Variants in DMD observed in about 807,000 individuals in gnomAD.
DMD encodes the protein mutant dystrophin.
In DMD, 63 loss-of-function variants were observed where a neutral mutation model predicts 330.1. That is an observed-to-expected ratio of 0.19 (90% confidence interval 0.16 to 0.24). The LOEUF is 0.24. Ranked by LOEUF, DMD falls within the 10% of genes least tolerant of loss-of-function variation. The pLI is 1.00. For synonymous variants in DMD, 1,223 were observed against 959.8 expected, an observed-to-expected ratio of 1.27 and a Z score of -5.07; for missense variants, 3,344 against 2,684.1, an observed-to-expected ratio of 1.25 and a Z score of -5.43.
chrX:32,674,073 T>C (rs2061807277), intron 9 of DMD, among the ~76,000 whole-genome samples: 1 of 111,989 alleles, frequency 8.9e-6, no homozygotes, highest in Non-Finnish European at 1.9e-5. Context: ...TCAGATATCA[T>C]GATGAAGACA....
At chrX:32,883,823 CAAAAA>C (rs56150142) in intron 2 of DMD, among the ~76,000 whole-genome samples, 7 of 30,339 alleles carry the variant, frequency 2.3e-4, no homozygotes, top group Admixed American at 5.4e-4. Context: ...GACTCTGTTT[CAAAAA>C]AAAAAAAAAA....
At chrX:32,472,806 T>C (rs1208137659) in intron 21 of DMD, among the ~76,000 whole-genome samples, 1 of 111,143 alleles carries the variant, frequency 9.0e-6, no homozygotes, top group African/African-American at 3.3e-5. Flanking sequence ...AGAACACCCA[T>C]GTACGCATGC....
chrX:32,572,020 A>G (rs2052478195), intron 15 of DMD, among the ~76,000 whole-genome samples: 1 of 112,087 alleles, frequency 8.9e-6, no homozygotes, highest in Non-Finnish European at 1.9e-5. Flanking sequence ...CTGCAGGCCA[A>G]AACTACAAAT....
At position 32,527,109 on chromosome X, in the gene DMD, A is replaced by C. The variant is rs1344502398; in HGVS notation, c.2169-8978T>G. The stretch of plus-strand genomic sequence containing the variant: ...ATAAAAACTTATAAGCCTCATCCTT[A>C]GAAACCTGAAAGGAAAATGCTGATG... On this transcript the variant is annotated intron_variant, in intron 17 of 78. Coordinates refer to ENST00000357033, the MANE Select transcript of DMD (RefSeq NM_004006.3). 2.7e-5 allele frequency among the ~76,000 whole-genome samples: 3 copies of C among 111,943 alleles called. No individual in the cohort carries two copies. The East Asian group carries it at 8.4e-4, about 31-fold the overall frequency.
At chrX:32,659,019 A>G (rs1409968506) in intron 9 of DMD, among the ~76,000 whole-genome samples, 2 of 111,744 alleles carry the variant, frequency 1.8e-5, no homozygotes, top group Non-Finnish European at 3.8e-5. Context: ...ATTCAGCATC[A>G]CCCTTTGCCA....
chrX:33,170,594 T>A (rs1167940623), intron 1 of DMD, among the ~76,000 whole-genome samples: 1 of 111,505 alleles, frequency 9.0e-6, no homozygotes, highest in African/African-American at 3.2e-5. Flanking sequence ...ACCAAACAGA[T>A]CCCAAATACT....
At chrX:32,695,383 C>A (rs868319878) in intron 9 of DMD, among the ~76,000 whole-genome samples, 3 of 111,440 alleles carry the variant, frequency 2.7e-5, no homozygotes, top group African/African-American at 9.8e-5. Flanking sequence ...TGTGGGAGAA[C>A]GAGTGATGTA....
intron 18 of DMD, among the ~76,000 whole-genome samples, chrX:32,507,751 T>G (rs1238023884): frequency 8.9e-6 from 1 of 111,747 alleles, no homozygotes; most frequent in Non-Finnish European, 1.9e-5. Flanking sequence ...AAATTATAGT[T>G]TATGTACATA....
chrX:32,452,298 GGAAAGGGAAAGTGAAAGTGAAAGT>G (rs1167654342), intron 26 of DMD, among the ~76,000 whole-genome samples: 8 of 17,690 alleles, frequency 4.5e-4, no homozygotes, highest in African/African-American at 1.2e-3. Flanking sequence ...GAAAGGAAAA[GGAAAGGGAAAGTGAAAGTGAAAGT>G]GAAAGTGAAA....
chrX:33,102,794 A>G (rs941294965), intron 1 of DMD, among the ~76,000 whole-genome samples: 4 of 111,966 alleles, frequency 3.6e-5, no homozygotes, highest in Non-Finnish European at 7.5e-5. Context: ...ATATATGTAC[A>G]TATATATCTA....
chrX:31,911,421 T>C (rs914084645), intron 47 of DMD, among the ~76,000 whole-genome samples: 1 of 111,980 alleles, frequency 8.9e-6, no homozygotes, highest in African/African-American at 3.2e-5. Context: ...TTCACATTCA[T>C]GGAACTTGCC....
At chrX:31,501,640 G>C (rs1457399113) in intron 56 of DMD, among the ~76,000 whole-genome samples, 1 of 111,852 alleles carries the variant, frequency 8.9e-6, no homozygotes, top group African/African-American at 3.2e-5. Flanking sequence ...TATAGGGGCT[G>C]ATAAAGTGAT....
intron 74 of DMD, among the ~76,000 whole-genome samples, chrX:31,151,111 C>T (rs959415132): frequency 3.6e-5 from 4 of 111,688 alleles, no homozygotes; most frequent in African/African-American, 6.5e-5. Flanking sequence ...ATTCTGCACA[C>T]GGGTCTTCTG....
chrX:31,199,712 G>A (rs1315071673), intron 67 of DMD, among the ~76,000 whole-genome samples: 1 of 111,524 alleles, frequency 9.0e-6, no homozygotes, highest in Non-Finnish European at 1.9e-5. Flanking sequence ...AACAAAGTAA[G>A]GTTTCCAGGT....
At chrX:31,495,915 C>T (rs899838952) in intron 57 of DMD, among the ~76,000 whole-genome samples, 2 of 112,089 alleles carry the variant, frequency 1.8e-5, no homozygotes, top group African/African-American at 6.5e-5. Context: ...AACTATAGAA[C>T]TGCACTGTTC....
intron 55 of DMD, among the ~76,000 whole-genome samples, chrX:31,624,333 A>T (rs1276467794): frequency 8.9e-6 from 1 of 112,034 alleles, no homozygotes; most frequent in Non-Finnish European, 1.9e-5. Flanking sequence ...ACACCTTTTT[A>T]TAATACGGGA....
At chrX:32,600,598 G>GCACACACACACACA (rs201249837) in intron 12 of DMD, among the ~76,000 whole-genome samples, 1 of 95,290 alleles carries the variant, frequency 1.0e-5, no homozygotes. Flanking sequence ...ACACGCACAC[G>GCACACACACACACA]CACACACACA....
At chrX:32,665,709 G>A (rs996750903) in intron 9 of DMD, among the ~76,000 whole-genome samples, 1 of 111,806 alleles carries the variant, frequency 8.9e-6, no homozygotes, top group African/African-American at 3.3e-5. Context: ...ATTGAAAAGG[G>A]AAGCGAAATA....
At chrX:32,925,049 A>T (rs1250420397) in intron 2 of DMD, among the ~76,000 whole-genome samples, 5 of 106,284 alleles carry the variant, frequency 4.7e-5, no homozygotes, top group Non-Finnish European at 7.7e-5. Context: ...TCTGTGGCCG[A>T]TGGTTTTGGT....
Sources: gnomAD v4.1 joint callset for allele counts (sites outside exome capture counted in the v4.1 genomes callset) on GRCh38, gnomAD v4.1.1 for gene constraint, MANE v1.5 for transcripts, NCBI Gene and HGNC (gene_info 2026-07-23, HGNC 2026-07-21) for gene names.